The following JMJD1C variants were observed in gnomAD, a reference collection of about 807,000 sequenced individuals.
The protein encoded by JMJD1C is jumonji domain containing 1C, also known as jumonji domain-containing protein 1C.
Under a neutral mutation model 245.3 loss-of-function variants are expected in JMJD1C, and 31 were observed. The ratio of observed to expected loss-of-function variants is 0.13; its 90% CI spans 0.09 to 0.17. JMJD1C has a LOEUF of 0.17. JMJD1C is among the 10% of genes least tolerant of loss of function. JMJD1C has a pLI of 1.00. For missense variants in JMJD1C, 2,691 were observed against 3,000.2 expected (o/e 0.90, Z 2.41); for synonymous variants, 1,057 against 1,017.4 (o/e 1.04, Z -0.74).
intron 10 of JMJD1C, chr10:63,204,696 C>G (rs1277401246): frequency 2.0e-6 from 2 of 985,242 alleles, no homozygotes; most frequent in Non-Finnish European, 2.4e-6. Flanking sequence ...AGGTATCCTT[C>G]GATGTTAATC....
At chr10:63,502,827 T>C (rs1047451075) in intron 1 of JMJD1C, among the ~76,000 whole-genome samples, 3 of 152,112 alleles carry the variant, frequency 2.0e-5, no homozygotes, top group Non-Finnish European at 4.4e-5. Flanking sequence ...TTCTTACGGA[T>C]AAAAAGATCA....
intron 2 of JMJD1C, chr10:63,372,999 A>C (rs754841799): frequency 3.2e-5 from 8 of 252,476 alleles, no homozygotes. Context: ...TCCCCACAGA[A>C]GGTTTTCCTA....
intron 1 of JMJD1C, among the ~76,000 whole-genome samples, chr10:63,454,867 G>A: frequency 6.6e-6 from 1 of 152,166 alleles, no homozygotes; most frequent in East Asian, 1.9e-4. Flanking sequence ...ACCTCCATAT[G>A]TCCTGTAAAC....
chr10:63,503,274 G>C (rs1297146739), intron 1 of JMJD1C, among the ~76,000 whole-genome samples: 1 of 152,100 alleles, frequency 6.6e-6, no homozygotes, highest in African/African-American at 2.4e-5. Context: ...GGGGTTTTTG[G>C]GGGGGCTTTT....
intron 2 of JMJD1C, among the ~76,000 whole-genome samples, chr10:63,311,735 C>T (rs1472107197): frequency 6.6e-6 from 1 of 151,924 alleles, no homozygotes; most frequent in East Asian, 1.9e-4. Flanking sequence ...TATAAAAGCG[C>T]AGATGAGAGT....
At chr10:63,491,605 G>C (rs1954178443) in intron 1 of JMJD1C, among the ~76,000 whole-genome samples, 1 of 152,110 alleles carries the variant, frequency 6.6e-6, no homozygotes, top group Non-Finnish European at 1.5e-5. Flanking sequence ...TACTACCCAA[G>C]CCTATCTTTA....
At chr10:63,303,256 G>A (rs1860312537) in intron 2 of JMJD1C, among the ~76,000 whole-genome samples, 1 of 152,188 alleles carries the variant, frequency 6.6e-6, no homozygotes, top group South Asian at 2.1e-4. Context: ...ATTGAGGGAA[G>A]AGAGGCATTC....
intron 2 of JMJD1C, among the ~76,000 whole-genome samples, chr10:63,278,753 C>T (rs553633693): frequency 1.3e-5 from 2 of 150,668 alleles, no homozygotes; most frequent in African/African-American, 4.9e-5. Flanking sequence ...GCAGGAGAAT[C>T]GCTGGAACCC....
chr10:63,344,372 A>C (rs1243437149), intron 2 of JMJD1C, among the ~76,000 whole-genome samples: 1 of 152,226 alleles, frequency 6.6e-6, no homozygotes, highest in East Asian at 1.9e-4. Context: ...ATATAGCCTA[A>C]GTATATAGTA....
intron 2 of JMJD1C, among the ~76,000 whole-genome samples, chr10:63,338,557 G>A (rs1943061755): frequency 6.6e-6 from 1 of 151,506 alleles, no homozygotes; most frequent in South Asian, 2.1e-4. Context: ...TTTCAAGGAA[G>A]CTTAAGGGCT....
chr10:63,512,399 C>T lies in JMJD1C; in HGVS notation n.113+9339G>A, dbSNP rs77734696. Among the ~76,000 whole-genome samples the T allele has an allele frequency of 1.8e-3, 277 of 152,054 alleles. 3 individuals carry two copies. The highest frequency in any genetic ancestry group is 5.1e-3 in the African/African-American group (210 of 41,472). On this transcript the variant is annotated intron_variant and non_coding_transcript_variant, in intron 1 of 3. Transcript: ENST00000633035. ...ACAAATCGGATTTGCAACAAATTCC[C>T]TCAATTTTCACTTTGAGTAAGTCTT...
At chr10:63,342,827 T>A (rs1943493524) in intron 2 of JMJD1C, among the ~76,000 whole-genome samples, 1 of 152,224 alleles carries the variant, frequency 6.6e-6, no homozygotes, top group Non-Finnish European at 1.5e-5. Context: ...ATAATTTTGC[T>A]TTCTAATGTA....
chr10:63,291,311 A>AAG (rs1554875314), intron 2 of JMJD1C, among the ~76,000 whole-genome samples: 1 of 5,346 alleles, frequency 1.9e-4, no homozygotes, highest in African/African-American at 1.7e-3. Context: ...TCTGTCTCAG[A>AAG]AAAAAAAAAA....
chr10:63,474,095 AAATAAT>A (rs944593808), intron 1 of JMJD1C, among the ~76,000 whole-genome samples: 1 of 148,754 alleles, frequency 6.7e-6, no homozygotes, highest in Non-Finnish European at 1.5e-5. Context: ...ACACTAAAAA[AAATAAT>A]AATAATAAAT....
intron 10 of JMJD1C, chr10:63,204,653 C>T (rs1846390146): frequency 1.0e-6 from 1 of 985,260 alleles, no homozygotes; most frequent in South Asian, 4.7e-5. Context: ...GAAAAAGCAA[C>T]ACTGTATATA....
At chr10:63,383,419 C>A (rs7912506) in intron 1 of JMJD1C, among the ~76,000 whole-genome samples, 1 of 152,128 alleles carries the variant, frequency 6.6e-6, no homozygotes, top group South Asian at 2.1e-4. Flanking sequence ...TAAAACCCAT[C>A]GTTAAGGGTA....
chr10:63,439,403 A>G (rs1033116709), intron 1 of JMJD1C, among the ~76,000 whole-genome samples: 8 of 152,216 alleles, frequency 5.3e-5, no homozygotes, highest in African/African-American at 1.9e-4. Flanking sequence ...ACAACATTTA[A>G]TATTACTTAA....
At chr10:63,191,252 T>A (rs888923352) in intron 16 of JMJD1C, 144 bp from the exon 17 acceptor site, 1 of 629,714 alleles carries the variant, frequency 1.6e-6, no homozygotes, top group African/African-American at 1.8e-5. Flanking sequence ...CTGTCTCAGC[T>A]TCCCAAGTAG....
chr10:63,399,951 T>C (rs781756411), intron 1 of JMJD1C, among the ~76,000 whole-genome samples: 46 of 152,172 alleles, frequency 3.0e-4, no homozygotes, highest in Non-Finnish European at 5.9e-4. Context: ...AAAATAAAAG[T>C]AGAAACATAG....
Sources: allele counts gnomAD v4.1 joint callset (sites outside exome capture counted in the v4.1 genomes callset), GRCh38; gene constraint gnomAD v4.1.1; transcripts MANE v1.5; gene names NCBI Gene and HGNC (gene_info 2026-07-23, HGNC 2026-07-21).